Variants in ATP9B observed in about 807,000 individuals in gnomAD.
ATP9B encodes probable phospholipid-transporting ATPase IIB.
ATP9B carries 110 observed loss-of-function variants against 146.1 expected under a neutral mutation model. The observed-to-expected ratio is 0.75, with a 90% CI of 0.65 to 0.88. The LOEUF (loss-of-function observed/expected upper bound fraction) is 0.88, where lower values mean the gene tolerates loss of function less well. ATP9B is among the 40% of genes least tolerant of loss of function. The pLI, the probability that ATP9B is intolerant of heterozygous loss-of-function variation, is 0.00. For synonymous variants in ATP9B, 604 were observed against 569.7 expected, an observed-to-expected ratio of 1.06 and a Z score of -0.86; for missense variants, 1,499 against 1,496.4, an observed-to-expected ratio of 1.00 and a Z score of -0.03.
chr18:79,256,270 T>TA (rs2096077404), intron 12 of ATP9B, among the ~76,000 whole-genome samples: 1 of 130,872 alleles, frequency 7.6e-6, no homozygotes, highest in African/African-American at 2.9e-5. Flanking sequence ...TATATATATA[T>TA]ATATATATAT....
chr18:79,350,711 ACG>A (rs2096917973), intron 25 of ATP9B, among the ~76,000 whole-genome samples: 1 of 151,854 alleles, frequency 6.6e-6, no homozygotes, highest in Admixed American at 6.6e-5. Flanking sequence ...ATAAGTGCTA[ACG>A]CTTTTTAAAT....
At chr18:79,141,452 C>T (rs1176935628) in intron 5 of ATP9B, among the ~76,000 whole-genome samples, 2 of 152,136 alleles carry the variant, frequency 1.3e-5, no homozygotes, top group Admixed American at 1.3e-4. Flanking sequence ...GCTGATAATA[C>T]ACGACTTACT....
At chr18:79,283,271 C>T (rs2096398912) in intron 13 of ATP9B, among the ~76,000 whole-genome samples, 1 of 152,110 alleles carries the variant, frequency 6.6e-6, no homozygotes, top group African/African-American at 2.4e-5. Context: ...ATAAAGCGTC[C>T]TGGTTCTCCG....
In ATP9B at chr18:79,375,446, C is replaced by A; in HGVS notation, c.3307+20C>A. The A allele has an allele frequency of 6.2e-7, 1 of 1,610,912 alleles. No homozygotes were observed. Among genetic ancestry groups the A allele is most frequent in the South Asian group, 1.1e-5 (1 of 90,968 alleles). ...TCTTAGGTAGGTAAAGTTATCATTT[C>A]TTTCAAAAGTGTAGAAATTTAGCCA... On this transcript the variant is annotated intron_variant, in intron 29 of 29. Transcript: ENST00000426216.
chr18:79,323,179 G>A (rs1011575975), intron 15 of ATP9B, among the ~76,000 whole-genome samples: 6 of 150,578 alleles, frequency 4.0e-5, no homozygotes, highest in Non-Finnish European at 5.9e-5. Context: ...TCCGTTTATC[G>A]TTGCTTCGCG....
chr18:79,120,743 T>TA (rs770876198), intron 4 of ATP9B, among the ~76,000 whole-genome samples: 21 of 152,350 alleles, frequency 1.4e-4, no homozygotes, highest in Non-Finnish European at 2.5e-4. Context: ...TAACAGTTTT[T>TA]AACACTGTAT....
chr18:79,344,126 T>G (rs1249342427), intron 20 of ATP9B, 139 bp from the exon 21 acceptor site: 1 of 768,856 alleles, frequency 1.3e-6, no homozygotes. Context: ...TTCTTCCGGG[T>G]CCAAATACTA....
intron 11 of ATP9B, among the ~76,000 whole-genome samples, chr18:79,240,755 A>G (rs557662882): frequency 3.0e-4 from 46 of 152,374 alleles, no homozygotes; most frequent in Admixed American, 2.3e-3. Context: ...TCAAAAAACA[A>G]CAGAAAAAGA....
intron 12 of ATP9B, among the ~76,000 whole-genome samples, chr18:79,275,154 A>C (rs1203637658): frequency 6.6e-6 from 1 of 152,250 alleles, no homozygotes; most frequent in African/African-American, 2.4e-5. Context: ...CAAAGTGCAG[A>C]TATCCGAGCC....
intron 4 of ATP9B, chr18:79,117,865 A>G (rs1449186039): frequency 1.3e-5 from 2 of 152,184 alleles, no homozygotes; most frequent in Non-Finnish European, 2.9e-5. Flanking sequence ...ATTCCTATGT[A>G]TCTCTTAATA....
At chr18:79,261,993 A>G (rs1387164701) in intron 12 of ATP9B, among the ~76,000 whole-genome samples, 3 of 152,018 alleles carry the variant, frequency 2.0e-5, no homozygotes, top group African/African-American at 7.2e-5. Context: ...AGGTGTTGTG[A>G]TGGGCCATTC....
At chr18:79,071,041 T>G (rs1002705108) in intron 1 of ATP9B, among the ~76,000 whole-genome samples, 4 of 143,546 alleles carry the variant, frequency 2.8e-5, no homozygotes, top group African/African-American at 7.9e-5. Context: ...TCATTCTGAT[T>G]CCTGTTTCTT....
chr18:79,270,252 G>A (rs1053555580), intron 12 of ATP9B, among the ~76,000 whole-genome samples: 5 of 152,128 alleles, frequency 3.3e-5, no homozygotes, highest in South Asian at 2.1e-4. Flanking sequence ...GCATTCTTGC[G>A]CGTTCATTTA....
chr18:79,069,896 C>T (rs1032729548), intron 1 of ATP9B, among the ~76,000 whole-genome samples: 2 of 152,230 alleles, frequency 1.3e-5, no homozygotes, highest in Non-Finnish European at 2.9e-5. Flanking sequence ...TCTTGTAGCC[C>T]TGTGAATTGT....
At chr18:79,099,324 C>G (rs925906842) in intron 2 of ATP9B, among the ~76,000 whole-genome samples, 1 of 151,948 alleles carries the variant, frequency 6.6e-6, no homozygotes, top group Non-Finnish European at 1.5e-5. Flanking sequence ...TGGGTTCAAG[C>G]GATTCTCCTT....
At chr18:79,345,990 C>T in intron 23 of ATP9B, 151 bp downstream of exon 23, 2 of 858,880 alleles carry the variant, frequency 2.3e-6, no homozygotes, top group Non-Finnish European at 1.9e-6. Flanking sequence ...ACACTCAGCA[C>T]ATGCTTGGTC....
In ATP9B at chr18:79,076,226, A is replaced by G. The variant is rs188147675; in HGVS notation, c.119+6697A>G. Among the ~76,000 whole-genome samples the G allele has an allele frequency of 2.6e-5, 4 of 152,326 alleles. No individual in the cohort carries two copies. The East Asian group carries it at 7.7e-4, about 29-fold the overall frequency. The stretch of plus-strand genomic sequence containing the variant: ...ATATTCAAGAGGCAAAGGAAAGCCT[A>G]TTATATTCATCTACCCTTTCTGCCC... On this transcript the variant is annotated intron_variant, in intron 1 of 29. Transcript: ENST00000426216.
intron 8 of ATP9B, among the ~76,000 whole-genome samples, chr18:79,181,751 C>T (rs754113697): frequency 1.3e-5 from 2 of 152,114 alleles, no homozygotes; most frequent in African/African-American, 2.4e-5. Flanking sequence ...ATGTTTCATA[C>T]GTTTCTCTCA....
intron 6 of ATP9B, among the ~76,000 whole-genome samples, chr18:79,154,081 G>A (rs1265200012): frequency 2.0e-5 from 3 of 149,848 alleles, no homozygotes; most frequent in South Asian, 4.2e-4. Flanking sequence ...GCCTCAGCCT[G>A]TAGCTGGGAC....
Sources: gnomAD v4.1 joint callset for allele counts (sites outside exome capture counted in the v4.1 genomes callset) on GRCh38, gnomAD v4.1.1 for gene constraint, MANE v1.5 for transcripts, NCBI Gene and HGNC (gene_info 2026-07-23, HGNC 2026-07-21) for gene names.